ATMIN: variants seen among roughly 807,000 people sequenced by gnomAD.
ATMIN encodes ATM INteracting protein.
ATMIN carries 24 observed loss-of-function variants against 49.2 expected under a neutral mutation model. The ratio of observed to expected loss-of-function variants is 0.49; its 90% CI spans 0.35 to 0.69. ATMIN has a LOEUF of 0.69. ATMIN is among the 30% of genes least tolerant of loss of function. The pLI, the probability that ATMIN is intolerant of heterozygous loss-of-function variation, is 0.00. For synonymous variants in ATMIN, 450 were observed against 392.5 expected (o/e 1.15, Z -1.73); for missense variants, 1,037 against 1,005.5 (o/e 1.03, Z -0.42).
chr16:81,036,401 G>C (rs1020493616), intron 1 of ATMIN, among the ~76,000 whole-genome samples, 195 bp downstream of exon 1: 11 of 151,830 alleles, frequency 7.2e-5, no homozygotes, highest in African/African-American at 1.4e-4. Context: ...TGCGGCCTCT[G>C]GGGGGGAGGA....
At chr16:81,041,641 G>A in intron 2 of ATMIN, 160 bp downstream of exon 2, 1 of 888,902 alleles carries the variant, frequency 1.1e-6, no homozygotes, top group Non-Finnish European at 1.7e-6. Flanking sequence ...TGTTACACAA[G>A]TGGAGGGAAA....
Position 81,041,195 on chromosome 16 carries a change from A to G in ATMIN, c.337-161A>G, listed in dbSNP as rs2970077. On this transcript the variant is annotated intron_variant, in intron 1 of 3. Transcript: ENST00000299575. ...TAGTATTCTCACCACATTTCGTTTA[A>G]TCTACTCATACTCTTTTTCTCTTAC... is the stretch of plus-strand genomic sequence containing the variant. 622,347 of 706,352 alleles carry G rather than the reference A, an allele frequency of 0.88. 278,827 individuals are homozygous for G. The highest frequency in any genetic ancestry group is 0.97 in the South Asian group (48,199 of 49,900). The allele number at this position is 706,352 out of a possible 1,614,324, so 43.8% of individuals were successfully genotyped here. A position where few individuals can be genotyped will look rare whatever the true frequency, so the allele number is the denominator to read the frequency against.
At position 81,035,881 on chromosome 16, in the gene ATMIN, C is replaced by A; in HGVS notation, c.11C>A (p.Ser4Ter). Residue 4 changes from serine (S) to a stop codon, truncating the protein, a stop_gained, in exon 1 of 4, where the codon TCG becomes TAG. Transcript: ENST00000299575. LOFTEE classifies it high-confidence loss of function. ...GGCCGTGCGGGAGCCATGGCGGCCT[C>A]GGAGGCGGCGGCGGCGGCGGGGTCC... MAA[S>*]EAAAAAGSAA... is the part of the protein sequence containing the mutation. 2 of 958,078 alleles carry A rather than the reference C, an allele frequency of 2.1e-6. No individual in the cohort carries two copies. Among genetic ancestry groups the A allele is most frequent in the Non-Finnish European group, 2.5e-6 (2 of 807,810 alleles). 59.3% of individuals were successfully genotyped at this position (958,078 alleles called of 1,614,324 possible). A position where few individuals can be genotyped will look rare whatever the true frequency, so the allele number is the denominator to read the frequency against.
At chr16:81,038,843 T>C (rs548969343) in intron 1 of ATMIN, among the ~76,000 whole-genome samples, 3 of 152,182 alleles carry the variant, frequency 2.0e-5, no homozygotes, top group African/African-American at 7.2e-5. Flanking sequence ...TCGCCCAGAC[T>C]GGAGTGCAGT....
Position 81,043,580 on chromosome 16 carries a change from C to A in ATMIN, c.1082C>A (p.Ser361Tyr). ...CTCGGCCTAGATTCAGAGGCTTGCT[C>A]TCTTAAGGAGAGCCTACCTCTTTTC... ...LILGLDSEACSLKESLPLFKI... is the reference protein window; with the variant it reads ...LILGLDSEACYLKESLPLFKI... The change falls in exon 4 of 4, where the codon TCT (serine) becomes TAT (tyrosine). Residue 361 changes from serine to tyrosine, a missense_variant. Coordinates refer to ENST00000299575, the MANE Select transcript of ATMIN (RefSeq NM_015251.3). 2.5e-6 allele frequency: 4 copies of A among 1,614,132 alleles called. No homozygotes were observed. The highest frequency in any genetic ancestry group is 3.4e-6 in the Non-Finnish European group (4 of 1,180,040).
intron 2 of ATMIN, among the ~76,000 whole-genome samples, chr16:81,042,026 G>A (rs1455310446): frequency 6.6e-6 from 1 of 152,166 alleles, no homozygotes; most frequent in African/African-American, 2.4e-5. Flanking sequence ...TTACAGATCA[G>A]AGTGTAAATG....
intron 1 of ATMIN, chr16:81,037,539 T>A (rs1230905725): frequency 5.1e-6 from 5 of 971,770 alleles, no homozygotes; most frequent in Non-Finnish European, 6.1e-6. Context: ...TGGGTTTCTT[T>A]CAGCACTCAA....
At position 81,042,237 on chromosome 16, in the gene ATMIN, C is replaced by A. The variant is rs1047526707; in HGVS notation, c.463-44C>A. The A allele has an allele frequency of 3.2e-6, 5 of 1,557,320 alleles. No homozygotes were observed. In the South Asian group the frequency reaches 3.4e-5, roughly 10 times the overall value. ...TATGATGGTTTCTGAAATGTTTTGA[C>A]CAGTTGCTGTTTTTCACCTTAGTCC... On this transcript the variant is annotated intron_variant, in intron 2 of 3. Transcript: ENST00000299575.
chr16:81,037,341 A>G (rs1266970118), intron 1 of ATMIN: 1 of 985,356 alleles, frequency 1.0e-6, no homozygotes, highest in Non-Finnish European at 1.2e-6. Flanking sequence ...CACAGCAGAA[A>G]ACTCTGAGGT....
In ATMIN at chr16:81,044,589, T is replaced by C; in HGVS notation, c.2091T>C (p.Leu697=). The C allele has an allele frequency of 6.2e-7, 1 of 1,614,134 alleles. No individual in the cohort carries two copies. Among genetic ancestry groups the C allele is most frequent in the Non-Finnish European group, 8.5e-7 (1 of 1,180,022 alleles). ...GCRGNSNFLG[L]EMFDTQTQTD... ...GGGGAAATTCTAACTTCTTAGGCCT[T>C]GAGATGTTTGACACACAGACACAGA... Residue 697 remains leucine, a synonymous_variant, in exon 4 of 4, where the codon CTT becomes CTC. Coordinates refer to ENST00000299575, the MANE Select transcript of ATMIN (RefSeq NM_015251.3).
chr16:81,043,250 C>A lies in ATMIN; in HGVS notation c.752C>A (p.Pro251Gln). Residue 251 changes from proline to glutamine, a missense_variant, in exon 4 of 4, where the codon CCA becomes CAA. Pro to Gln is a moderately conservative substitution (Grantham distance 76). Transcript: ENST00000299575. ...NKTIESLNNQ[P>Q]IPRPDTQELE... Reference sequence around the variant, plus strand: ...ACCATTGAATCATTGAACAACCAACCAATCCCTAGACCAGACACTCAAGAA... The same window carrying A: ...ACCATTGAATCATTGAACAACCAACAAATCCCTAGACCAGACACTCAAGAA... The A allele has an allele frequency of 6.2e-7, 1 of 1,614,018 alleles. No individual in the cohort carries two copies. Among genetic ancestry groups the A allele is most frequent in the Non-Finnish European group, 8.5e-7 (1 of 1,179,988 alleles).
intron 1 of ATMIN, among the ~76,000 whole-genome samples, chr16:81,037,786 C>A (rs1171310299): frequency 6.6e-6 from 1 of 152,010 alleles, no homozygotes; most frequent in African/African-American, 2.4e-5. Flanking sequence ...CAGGCACCTG[C>A]CACCACACCC....
At position 81,035,928 on chromosome 16, in the gene ATMIN, C is replaced by T. The variant is rs1454254491; in HGVS notation, c.58C>T (p.Arg20Trp). 4 of 991,884 alleles carry T rather than the reference C, an allele frequency of 4.0e-6. No individual in the cohort carries two copies. The highest frequency in any genetic ancestry group is 1.1e-4 in the East Asian group (1 of 8,984). 61.4% of individuals were successfully genotyped at this position (991,884 alleles called of 1,614,324 possible). The change falls in exon 1 of 4, where the codon CGG becomes TGG. Residue 20 changes from arginine (R) to tryptophan (W), a missense_variant. Physicochemically the swap from Arg to Trp is moderately radical, Grantham distance 101. Coordinates refer to ENST00000299575, the MANE Select transcript of ATMIN (RefSeq NM_015251.3). ...AGSAALAAGARAVPAATTGAA... is the reference protein window; with the variant it reads ...AGSAALAAGAWAVPAATTGAA... ...GTCCGCGGCTCTGGCGGCGGGTGCC[C>T]GGGCCGTCCCGGCGGCCACGACAGG... is the stretch of plus-strand genomic sequence containing the variant.
At chr16:81,036,732 C>G (rs1286247991) in intron 1 of ATMIN, among the ~76,000 whole-genome samples, 1 of 152,122 alleles carries the variant, frequency 6.6e-6, no homozygotes, top group African/African-American at 2.4e-5. Flanking sequence ...TTTAAATGTT[C>G]TCACCACCAA....
chr16:81,043,760 C>T lies in ATMIN; in HGVS notation c.1262C>T (p.Ser421Leu). 1.2e-6 allele frequency: 2 copies of T among 1,614,262 alleles called. No homozygotes were observed. The highest frequency in any genetic ancestry group is 1.7e-6 in the Non-Finnish European group (2 of 1,180,052). ...GTGCAGACAGATCTGTCTTATGCCTCACAAAACTTTATACCTTCTGCACAG... is the reference window on the plus strand; with the variant it reads ...GTGCAGACAGATCTGTCTTATGCCTTACAAAACTTTATACCTTCTGCACAG... ...INVQTDLSYA[S>L]QNFIPSAQWA... Residue 421 changes from serine (S) to leucine (L), a missense_variant, in exon 4 of 4, where the codon TCA (serine) becomes TTA (leucine). Transcript: ENST00000299575.
At position 81,044,086 on chromosome 16, in the gene ATMIN, G is replaced by C; in HGVS notation, c.1588G>C (p.Gly530Arg). ...SVHSSYNVATGNIISNSLVAE... is the reference protein window; with the variant it reads ...SVHSSYNVATRNIISNSLVAE... ...TCATTCATCATATAATGTTGCTACA[G>C]GTAACATTATAAGCAACAGTTTAGT... Residue 530 changes from glycine (G) to arginine (R), a missense_variant, in exon 4 of 4, where the codon GGT (glycine) becomes CGT (arginine). Transcript: ENST00000299575. 2.5e-6 allele frequency: 4 copies of C among 1,614,094 alleles called. No homozygotes were observed. The highest frequency in any genetic ancestry group is 3.4e-6 in the Non-Finnish European group (4 of 1,179,978).
chr16:81,038,996 A>G (rs1443346023), intron 1 of ATMIN, among the ~76,000 whole-genome samples: 7 of 152,098 alleles, frequency 4.6e-5, no homozygotes, highest in African/African-American at 1.7e-4. Flanking sequence ...GGGTTTCGCC[A>G]TGTTGGTCGG....
At position 81,045,265 on chromosome 16, in the gene ATMIN, A is replaced by G. The variant is rs953936328; in HGVS notation, c.*295A>G. 2 of 319,564 alleles carry G rather than the reference A, an allele frequency of 6.3e-6. No homozygotes were observed. The highest frequency in any genetic ancestry group is 5.7e-6 in the Non-Finnish European group (1 of 175,068). 19.8% of individuals were successfully genotyped at this position (319,564 alleles called of 1,614,324 possible). ...TGTATTTCATATCTATAAAACCTAT[A>G]TAGCCATTTAGCTGAAGCCCAGCTT... On this transcript the variant is annotated 3_prime_UTR_variant, in exon 4 of 4. Transcript: ENST00000299575.
chr16:81,038,158 TCTCA>T (rs900525790), intron 1 of ATMIN, among the ~76,000 whole-genome samples: 1 of 151,792 alleles, frequency 6.6e-6, no homozygotes, highest in Admixed American at 6.6e-5. Flanking sequence ...TGAGACAGAG[TCTCA>T]CTCTGTCGCC....
Sources: allele counts gnomAD v4.1 joint callset (sites outside exome capture counted in the v4.1 genomes callset), GRCh38; gene constraint gnomAD v4.1.1; transcripts MANE v1.5; gene names NCBI Gene and HGNC (gene_info 2026-07-23, HGNC 2026-07-21).